The following NAA35 variants were observed in gnomAD, a reference collection of about 807,000 sequenced individuals.
NAA35 encodes the protein N-alpha-acetyltransferase 35, NatC auxiliary subunit.
In NAA35, 18 loss-of-function variants were observed where a neutral mutation model predicts 101.7. That is an observed-to-expected ratio of 0.18 (90% CI 0.12 to 0.26). The LOEUF (loss-of-function observed/expected upper bound fraction) is 0.26. Ranked by LOEUF, NAA35 falls within the 10% of genes least tolerant of loss-of-function variation. NAA35 has a pLI of 1.00. For synonymous variants in NAA35, 267 were observed against 273.1 expected, an observed-to-expected ratio of 0.98 and a Z score of 0.22; for missense variants, 601 against 886.8, an observed-to-expected ratio of 0.68 and a Z score of 4.09.
chr9:85,951,043 C>G (rs1828996770), intron 2 of NAA35, among the ~76,000 whole-genome samples: 1 of 150,684 alleles, frequency 6.6e-6, no homozygotes, highest in Admixed American at 6.7e-5. Flanking sequence ...GAGGCTGATG[C>G]AGGAGAATTG....
chr9:86,010,828 T>G (rs1831889715), intron 15 of NAA35, among the ~76,000 whole-genome samples: 1 of 151,184 alleles, frequency 6.6e-6, no homozygotes, highest in South Asian at 2.1e-4. Context: ...CCACCCGCCT[T>G]GGCCTCCCAA....
At chr9:85,942,129 C>T (rs982123282) in intron 1 of NAA35, 26 bp from the exon 2 acceptor site, 1 of 1,606,670 alleles carries the variant, frequency 6.2e-7, no homozygotes, top group Non-Finnish European at 8.5e-7. Flanking sequence ...TACATCCTCT[C>T]TCTTACATCA....
chr9:85,968,873 G>A (rs1311415574), intron 6 of NAA35, among the ~76,000 whole-genome samples: 1 of 152,084 alleles, frequency 6.6e-6, no homozygotes, highest in Non-Finnish European at 1.5e-5. Context: ...AGTAGTATAT[G>A]CTTATATTTC....
chr9:86,008,784 T>C (rs1831762047), intron 14 of NAA35, among the ~76,000 whole-genome samples: 1 of 152,250 alleles, frequency 6.6e-6, no homozygotes, highest in Admixed American at 6.5e-5. Context: ...TGTAAGTGAT[T>C]TGAAACTTCT....
At chr9:85,944,417 T>C (rs990642774) in intron 2 of NAA35, among the ~76,000 whole-genome samples, 1 of 152,232 alleles carries the variant, frequency 6.6e-6, no homozygotes, top group Admixed American at 6.5e-5. Flanking sequence ...AGAGTCTACT[T>C]AGACAAGGTT....
intron 11 of NAA35, among the ~76,000 whole-genome samples, chr9:85,996,148 T>C (rs1831145947): frequency 6.6e-6 from 1 of 152,128 alleles, no homozygotes; most frequent in South Asian, 2.1e-4. Context: ...ACATAGAAAC[T>C]CCCCTCCATC....
At chr9:85,953,866 T>C (rs746496529) in intron 2 of NAA35, among the ~76,000 whole-genome samples, 3 of 152,220 alleles carry the variant, frequency 2.0e-5, no homozygotes, top group Non-Finnish European at 4.4e-5. Context: ...AGAATTTCCT[T>C]CCTTTTTAAG....
intron 12 of NAA35, among the ~76,000 whole-genome samples, chr9:85,997,365 G>A (rs1443448359): frequency 1.3e-5 from 2 of 151,238 alleles, no homozygotes; most frequent in Admixed American, 6.6e-5. Flanking sequence ...TTTTTGATAG[G>A]GGGTTTCCCT....
rs754683284 is a variant in NAA35 at position 85,975,017 on chromosome 9, A to C, written c.567A>C (p.Thr189=). ...TYGFKMANSV[T]DLRVTGMLKD... The stretch of plus-strand genomic sequence containing the variant: ...GATTTAAAATGGCTAACAGTGTGAC[A>C]GATCTTCGAGTTACAGGTAAAATTA... The change falls in exon 7 of 23, where the codon ACA becomes ACC. Residue 189 remains threonine (T), a synonymous_variant. Transcript: ENST00000361671. 5.0e-6 allele frequency: 8 copies of C among 1,612,888 alleles called. No individual in the cohort carries two copies. The East Asian group carries it at 1.8e-4, about 36-fold the overall frequency.
intron 3 of NAA35, 116 bp downstream of exon 3, chr9:85,956,509 A>C: frequency 2.0e-6 from 1 of 508,326 alleles, no homozygotes; most frequent in Non-Finnish European, 3.2e-6. Context: ...AATTGTGAAA[A>C]TAAAACTAAT....
intron 16 of NAA35, among the ~76,000 whole-genome samples, chr9:86,013,393 T>C (rs1340361731): frequency 6.6e-6 from 1 of 152,226 alleles, no homozygotes; most frequent in Non-Finnish European, 1.5e-5. Flanking sequence ...AATGATAGTT[T>C]TACAAGCTTA....
At chr9:85,970,977 A>G (rs1829974208) in intron 6 of NAA35, among the ~76,000 whole-genome samples, 1 of 152,222 alleles carries the variant, frequency 6.6e-6, no homozygotes, top group South Asian at 2.1e-4. Context: ...TCACTTGTTA[A>G]GATGAAAGCA....
intron 14 of NAA35, 59 bp from the exon 15 acceptor site, chr9:86,009,806 A>G: frequency 7.7e-7 from 1 of 1,306,666 alleles, no homozygotes; most frequent in Non-Finnish European, 1.1e-6. Flanking sequence ...ATCTGCAGTA[A>G]TTGCTGCTGC....
intron 12 of NAA35, among the ~76,000 whole-genome samples, chr9:85,997,384 C>T (rs1831209373): frequency 6.6e-6 from 1 of 150,822 alleles, no homozygotes; most frequent in Non-Finnish European, 1.5e-5. Flanking sequence ...CTCTGTTGCC[C>T]AGGCTGGAGT....
Position 85,996,472 on chromosome 9 carries a change from A to G in NAA35, c.951A>G (p.Ala317=), listed in dbSNP as rs746148077. 7.5e-6 allele frequency: 12 copies of G among 1,609,978 alleles called. No individual in the cohort carries two copies. In the South Asian group the frequency reaches 1.2e-4, roughly 16 times the overall value. Residue 317 remains alanine (A), a synonymous_variant, in exon 12 of 23, where the codon GCA becomes GCG. Transcript: ENST00000361671. ...TTCCACCTACCTTCCCTCGATATGC[A>G]AAAATAATTAAAAGGGAAGAAATGG... ...RLLPPTFPRY[A]KIIKREEMVN... is the part of the protein sequence containing the mutation.
At chr9:85,961,391 G>A (rs1329276667) in intron 5 of NAA35, among the ~76,000 whole-genome samples, 2 of 152,136 alleles carry the variant, frequency 1.3e-5, no homozygotes, top group Non-Finnish European at 2.9e-5. Context: ...AATGAGATAA[G>A]ATATTTGAAA....
chr9:86,020,548 A>T (rs2118523171), intron 21 of NAA35, among the ~76,000 whole-genome samples: 1 of 152,334 alleles, frequency 6.6e-6, no homozygotes, highest in South Asian at 2.1e-4. Flanking sequence ...TAGTATCTGT[A>T]ATTAATAAAT....
chr9:85,959,324 C>G (rs1215973614), intron 4 of NAA35, among the ~76,000 whole-genome samples: 1 of 148,786 alleles, frequency 6.7e-6, no homozygotes, highest in Non-Finnish European at 1.5e-5. Context: ...TGCATTGAGC[C>G]GAGATCACGC....
chr9:85,967,111 C>T (rs754413186), intron 6 of NAA35, among the ~76,000 whole-genome samples: 2 of 152,014 alleles, frequency 1.3e-5, no homozygotes, highest in African/African-American at 2.4e-5. Context: ...TGCACTCCAG[C>T]CTGGGTGACA....
Sources: gnomAD v4.1 joint callset for allele counts (sites outside exome capture counted in the v4.1 genomes callset) on GRCh38, gnomAD v4.1.1 for gene constraint, MANE v1.5 for transcripts, NCBI Gene and HGNC (gene_info 2026-07-23, HGNC 2026-07-21) for gene names.